The following CTNND2 variants were observed in gnomAD, a reference collection of about 807,000 sequenced individuals.
CTNND2 encodes the protein catenin delta 2.
Under a neutral mutation model 144.4 loss-of-function variants are expected in CTNND2, and 22 were observed. The ratio of observed to expected loss-of-function variants is 0.15; its 90% CI spans 0.11 to 0.22. The LOEUF (loss-of-function observed/expected upper bound fraction) is 0.22, where lower values mean the gene tolerates loss of function less well. Among genes scored for constraint, CTNND2 ranks in the 10% least tolerant of loss-of-function variants. The pLI, the probability that CTNND2 is intolerant of heterozygous loss-of-function variation, is 1.00. For synonymous variants in CTNND2, 751 were observed against 695.6 expected (o/e 1.08, Z -1.25); for missense variants, 1,353 against 1,618.8 (o/e 0.84, Z 2.82).
chr5:11,875,487 T>C (rs1040893207), intron 1 of CTNND2, among the ~76,000 whole-genome samples: 16 of 152,198 alleles, frequency 1.1e-4, no homozygotes, highest in Non-Finnish European at 1.0e-4. Context: ...AATCCATATG[T>C]TGAAGCCCTA....
chr5:11,401,397 C>T (rs1281527620), intron 5 of CTNND2, among the ~76,000 whole-genome samples: 1 of 152,146 alleles, frequency 6.6e-6, no homozygotes, highest in African/African-American at 2.4e-5. Context: ...TGTAATAATA[C>T]AGAAGAGGCC....
chr5:11,634,939 T>A (rs1781603830), intron 2 of CTNND2, among the ~76,000 whole-genome samples: 1 of 152,040 alleles, frequency 6.6e-6, no homozygotes, highest in Non-Finnish European at 1.5e-5. Context: ...TTTAGAGCAA[T>A]TTTAATGTCA....
chr5:11,034,160 T>C (rs77371737), intron 16 of CTNND2, among the ~76,000 whole-genome samples: 1 of 152,182 alleles, frequency 6.6e-6, no homozygotes, highest in South Asian at 2.1e-4. Context: ...TTTCCCCTGG[T>C]TTTATCATTT....
At chr5:11,269,916 A>T (rs1402001136) in intron 9 of CTNND2, among the ~76,000 whole-genome samples, 2 of 152,214 alleles carry the variant, frequency 1.3e-5, no homozygotes, top group South Asian at 4.1e-4. Context: ...AAAAACACGG[A>T]GCCTTGAATT....
chr5:11,399,097 T>C (rs1485747270), intron 5 of CTNND2, among the ~76,000 whole-genome samples: 2 of 152,226 alleles, frequency 1.3e-5, no homozygotes, highest in African/African-American at 2.4e-5. Flanking sequence ...GAGTGAGCTA[T>C]GGTGGAAAAG....
chr5:11,443,312 T>G (rs1329476799), intron 3 of CTNND2, among the ~76,000 whole-genome samples: 1 of 106,518 alleles, frequency 9.4e-6, no homozygotes, highest in African/African-American at 3.9e-5. Flanking sequence ...ATGTGTGTGG[T>G]GTGTGTGCAT....
chr5:11,751,351 G>C (rs1359025569), intron 1 of CTNND2, among the ~76,000 whole-genome samples: 1 of 151,580 alleles, frequency 6.6e-6, no homozygotes, highest in Non-Finnish European at 1.5e-5. Flanking sequence ...AAGCATAGTA[G>C]ACAATAGGTA....
At position 11,865,902 on chromosome 5, in the gene CTNND2, C is replaced by CAAAAAAAAAAAAAAAAAAAAAAA. The variant is rs56310600; in HGVS notation, c.37+37914_37+37915insTTTTTTTTTTTTTTTTTTTTTTT. On this transcript the variant is annotated intron_variant, in intron 1 of 21. Transcript: ENST00000304623. ...GGCAACCTTTAGAAGCTGGAAGAGACAAAAAAAAAAAAACGAGTTCTCCTC... is the reference window on the plus strand; with the variant it reads ...GGCAACCTTTAGAAGCTGGAAGAGACAAAAAAAAAAAAAAAAAAAAAAAAAAAAAAAAAAAACGAGTTCTCCTC... Among the ~76,000 whole-genome samples the CAAAAAAAAAAAAAAAAAAAAAAA allele has an allele frequency of 4.6e-5, 4 of 87,426 alleles. 1 individual carries two copies. The highest frequency in any genetic ancestry group is 6.5e-5 in the Non-Finnish European group (3 of 46,038). The allele number at this position is 87,426 out of a possible 152,430, so 57.4% of individuals were successfully genotyped here.
intron 1 of CTNND2, among the ~76,000 whole-genome samples, chr5:11,837,438 G>A (rs948717807): frequency 2.0e-5 from 3 of 152,200 alleles, no homozygotes; most frequent in Admixed American, 2.0e-4. Flanking sequence ...GGACATTATT[G>A]CCAGTGGTCA....
At chr5:11,376,972 G>T (rs1758003774) in intron 7 of CTNND2, among the ~76,000 whole-genome samples, 1 of 151,728 alleles carries the variant, frequency 6.6e-6, no homozygotes, top group East Asian at 2.0e-4. Context: ...TATTTTAATT[G>T]CTTATCACTC....
chr5:11,383,297 C>T (rs1170615517), intron 7 of CTNND2, among the ~76,000 whole-genome samples: 4 of 152,120 alleles, frequency 2.6e-5, no homozygotes, highest in Admixed American at 6.5e-5. Context: ...GTAAGAACTC[C>T]ACCCATCTCC....
intron 2 of CTNND2, among the ~76,000 whole-genome samples, chr5:11,663,175 G>T (rs1783368036): frequency 6.6e-6 from 1 of 152,182 alleles, no homozygotes; most frequent in African/African-American, 2.4e-5. Flanking sequence ...TTTCTGTAAA[G>T]TGGTCGTGGC....
intron 2 of CTNND2, among the ~76,000 whole-genome samples, chr5:11,718,428 C>T (rs1026177124): frequency 3.3e-5 from 5 of 152,110 alleles, no homozygotes; most frequent in Admixed American, 6.5e-5. Context: ...TCTCCATTCA[C>T]GGACAATAAC....
chr5:11,904,071 C>T lies in CTNND2; in HGVS notation c.-218G>A, dbSNP rs1384433045. 6 of 260,958 alleles carry T rather than the reference C, an allele frequency of 2.3e-5. No individual in the cohort carries two copies. The highest frequency in any genetic ancestry group is 5.9e-5 in the Admixed American group (1 of 16,836). The allele number at this position is 260,958 out of a possible 1,614,324, so 16.2% of individuals were successfully genotyped here. A position where few individuals can be genotyped will look rare whatever the true frequency, so the allele number is the denominator to read the frequency against. ...GTGCGCAGCGCCCGGCCCGGCGGCC[C>T]CTCCGAGCTCGGCGAGCGCAGCGCC... On this transcript the variant is annotated 5_prime_UTR_variant, in exon 1 of 22. Transcript: ENST00000304623. This position sits in a 1 kb window ranked among gnomAD's most constrained non-coding sequence, Gnocchi z 4.2.
At chr5:11,818,515 C>G (rs1307367560) in intron 1 of CTNND2, among the ~76,000 whole-genome samples, 1 of 152,026 alleles carries the variant, frequency 6.6e-6, no homozygotes. Context: ...ACTACAGCTG[C>G]CACCACCATG....
chr5:11,089,294 A>G (rs1356843463), intron 15 of CTNND2, among the ~76,000 whole-genome samples: 1 of 152,198 alleles, frequency 6.6e-6, no homozygotes, highest in African/African-American at 2.4e-5. Flanking sequence ...TAAACTCTCA[A>G]TCATGGAACC....
chr5:11,256,406 C>T (rs1038640687), intron 9 of CTNND2, among the ~76,000 whole-genome samples: 2 of 152,118 alleles, frequency 1.3e-5, no homozygotes, highest in Admixed American at 6.5e-5. Context: ...AAACTTGACA[C>T]TTATTTGTGT....
chr5:10,994,224 A>G (rs1213458078), intron 18 of CTNND2, among the ~76,000 whole-genome samples: 2 of 120,750 alleles, frequency 1.7e-5, no homozygotes, highest in Non-Finnish European at 3.4e-5. Flanking sequence ...ATTAGGGGAT[A>G]GACGAGCAGG....
chr5:11,676,194 A>G (rs1052275861), intron 2 of CTNND2, among the ~76,000 whole-genome samples: 6 of 152,144 alleles, frequency 3.9e-5, no homozygotes, highest in African/African-American at 1.4e-4. Context: ...TAGGTATAAA[A>G]ACAGCTTTAC....
Sources: gnomAD v4.1 joint callset for allele counts (sites outside exome capture counted in the v4.1 genomes callset) on GRCh38, gnomAD v4.1.1 for gene constraint, Gnocchi (gnomAD v3.1) non-coding constraint, MANE v1.5 for transcripts, NCBI Gene and HGNC (gene_info 2026-07-23, HGNC 2026-07-21) for gene names.